POMT2: variants seen among roughly 807,000 people sequenced by gnomAD.
POMT2 encodes protein O-mannosyltransferase 2, also known as protein O-mannosyl-transferase 2.
In POMT2, 75 loss-of-function variants were observed where a neutral mutation model predicts 100.0. That is an observed-to-expected ratio of 0.75 (90% CI 0.62 to 0.91). The LOEUF (loss-of-function observed/expected upper bound fraction) is 0.91, where lower values mean the gene tolerates loss of function less well. Ranked by LOEUF, POMT2 falls within the 40% of genes least tolerant of loss-of-function variation. The pLI is 0.00. For synonymous variants in POMT2, 378 were observed against 374.1 expected (o/e 1.01, Z -0.12); for missense variants, 940 against 955.1 (o/e 0.98, Z 0.21).
At chr14:77,291,862 G>A (rs933859062) in intron 9 of POMT2, among the ~76,000 whole-genome samples, 7 of 152,108 alleles carry the variant, frequency 4.6e-5, no homozygotes, top group African/African-American at 1.4e-4. Context: ...GTGAAACCCC[G>A]TCTTTACTAA....
At chr14:77,319,464 G>T (rs1891759043) in intron 1 of POMT2, 1 of 152,170 alleles carries the variant, frequency 6.6e-6, no homozygotes, top group South Asian at 2.1e-4. Flanking sequence ...ATCATTCTGG[G>T]TATACCAAGA....
intron 6 of POMT2, 119 bp from the exon 7 acceptor site, chr14:77,299,680 G>A: frequency 1.3e-6 from 1 of 788,010 alleles, no homozygotes; most frequent in South Asian, 1.4e-5. Context: ...AAATGGCCAA[G>A]AGGAGAGAGA....
rs148359227 is a variant in POMT2 at position 77,308,193 on chromosome 14, A to G, written c.334-1752T>C. On this transcript the variant is annotated intron_variant, in intron 2 of 20. Coordinates refer to ENST00000261534, the MANE Select transcript of POMT2 (RefSeq NM_013382.7). ...ATTTCTTAACTAAACAACTCTTTCA[A>G]ATCAATAGAAAAAAAATGAATTACT... 4.0e-3 allele frequency among the ~76,000 whole-genome samples: 606 copies of G among 151,720 alleles called. 1 individual carries two copies. Among genetic ancestry groups the G allele is most frequent in the African/African-American group, 9.4e-3 (390 of 41,378 alleles).
chr14:77,278,869 C>T lies in POMT2; in HGVS notation c.1892G>A (p.Gly631Glu). 1 of 1,613,000 alleles carries T rather than the reference C, an allele frequency of 6.2e-7. No homozygotes were observed. The highest frequency in any genetic ancestry group is 8.5e-7 in the Non-Finnish European group (1 of 1,179,672). ...RGARLPAEVAGLSQVLLRGGG... is the reference protein window; with the variant it reads ...RGARLPAEVAELSQVLLRGGG... ...TCCTCGAAGCAGGACCTGGGACAAC[C>T]CTGGGCCCAAGCAGCACAGCCCAGT... The change falls in exon 19 of 21, where the codon GGG becomes GAG. Residue 631 changes from glycine to glutamate, a missense_variant and splice_region_variant. Transcript: ENST00000261534.
chr14:77,309,140 T>C (rs1026453522), intron 2 of POMT2, among the ~76,000 whole-genome samples: 1 of 152,236 alleles, frequency 6.6e-6, no homozygotes, highest in Non-Finnish European at 1.5e-5. Flanking sequence ...GTGTTGTTCA[T>C]GTGTACATAT....
intron 9 of POMT2, among the ~76,000 whole-genome samples, chr14:77,294,423 G>T (rs1219831685): frequency 2.0e-5 from 3 of 152,218 alleles, no homozygotes; most frequent in African/African-American, 7.2e-5. Flanking sequence ...CCCGGTTCAA[G>T]TGATTCTCCT....
intron 8 of POMT2, among the ~76,000 whole-genome samples, chr14:77,297,274 G>A (rs539622932): frequency 1.2e-4 from 19 of 152,168 alleles, no homozygotes; most frequent in Admixed American, 6.5e-4. Flanking sequence ...CTTCTCGACC[G>A]CACACTCTCT....
intron 18 of POMT2, 187 bp downstream of exon 18, chr14:77,279,636 G>C (rs1890130951): frequency 1.4e-6 from 1 of 706,644 alleles, no homozygotes. Context: ...GTGTTGTTGG[G>C]AGGAAGTAAA....
chr14:77,310,419 T>C (rs1283351382), intron 2 of POMT2, among the ~76,000 whole-genome samples: 1 of 152,238 alleles, frequency 6.6e-6, no homozygotes. Context: ...CTAAGGTGAC[T>C]AGAACAGAAT....
rs755390432 is a variant in POMT2 at position 77,283,792 on chromosome 14, C to A, written c.1653+5G>T. 19 of 1,599,724 alleles carry A rather than the reference C, an allele frequency of 1.2e-5. No homozygotes were observed. Among genetic ancestry groups the A allele is most frequent in the Admixed American group, 1.7e-5 (1 of 59,980 alleles). On this transcript the variant is annotated splice_donor_5th_base_variant and intron_variant, in intron 15 of 20. Coordinates refer to ENST00000261534, the MANE Select transcript of POMT2 (RefSeq NM_013382.7). ...GACGCCATGAAATGAGAAGGGGACA[C>A]ATACCCGGATCATGACCATGTGGGA...
intron 15 of POMT2, among the ~76,000 whole-genome samples, chr14:77,281,980 G>A (rs903730667): frequency 3.3e-5 from 5 of 152,300 alleles, no homozygotes; most frequent in Admixed American, 1.3e-4. Flanking sequence ...ATGGTGGAGA[G>A]GTTGTGCCTC....
At chr14:77,300,432 T>A (rs1315797860) in intron 6 of POMT2, 3 of 155,348 alleles carry the variant, frequency 1.9e-5, no homozygotes, top group Admixed American at 6.3e-5. Flanking sequence ...GCGTTTCGCA[T>A]AGTGCCTGGC....
intron 2 of POMT2, among the ~76,000 whole-genome samples, chr14:77,310,150 A>G (rs1474759710): frequency 6.6e-6 from 1 of 152,190 alleles, no homozygotes; most frequent in African/African-American, 2.4e-5. Flanking sequence ...CCATGCAAAT[A>G]CTCAACATGT....
chr14:77,291,009 G>A (rs1370476776), intron 10 of POMT2, among the ~76,000 whole-genome samples: 1 of 152,170 alleles, frequency 6.6e-6, no homozygotes, highest in Non-Finnish European at 1.5e-5. Context: ...CCAGCCCCTA[G>A]TGGCATGCTC....
chr14:77,304,813 T>C lies in POMT2; in HGVS notation c.439-13A>G. 1 of 1,573,866 alleles carries C rather than the reference T, an allele frequency of 6.4e-7. No homozygotes were observed. The highest frequency in any genetic ancestry group is 2.3e-5 in the East Asian group (1 of 43,646). On this transcript the variant is annotated splice_polypyrimidine_tract_variant and intron_variant, in intron 3 of 20. Transcript: ENST00000261534. ...GGAATGCACAGAACTGTGGGAGGAA[T>C]AGAGAAGCTGTCAAATAACAAGCTG...
chr14:77,304,993 T>C (rs916049789), intron 3 of POMT2, among the ~76,000 whole-genome samples, 193 bp from the exon 4 acceptor site: 11 of 152,156 alleles, frequency 7.2e-5, no homozygotes, highest in African/African-American at 1.9e-4. Flanking sequence ...GCAATATATA[T>C]GTTCCCATTA....
chr14:77,316,479 C>T (rs1262827186), intron 1 of POMT2, among the ~76,000 whole-genome samples: 2 of 145,854 alleles, frequency 1.4e-5, no homozygotes, highest in Non-Finnish European at 1.5e-5. Flanking sequence ...GAGGCTGAGA[C>T]AGGAGGAGCC....
intron 2 of POMT2, among the ~76,000 whole-genome samples, chr14:77,310,863 C>T (rs755725770): frequency 2.8e-4 from 42 of 152,168 alleles, no homozygotes; most frequent in South Asian, 2.1e-4. Flanking sequence ...GGGCCAGGTG[C>T]GGTGGCTTGC....
intron 1 of POMT2, among the ~76,000 whole-genome samples, chr14:77,318,219 A>C (rs1411105679): frequency 1.3e-5 from 2 of 152,212 alleles, no homozygotes; most frequent in Non-Finnish European, 2.9e-5. Context: ...GCAAACATTC[A>C]CATGGTCCAT....
Sources: gnomAD v4.1 joint callset for allele counts (sites outside exome capture counted in the v4.1 genomes callset) on GRCh38, gnomAD v4.1.1 for gene constraint, MANE v1.5 for transcripts, NCBI Gene and HGNC (gene_info 2026-07-23, HGNC 2026-07-21) for gene names.